Variants in KIAA1217 observed in about 807,000 individuals in gnomAD.
KIAA1217 encodes KIAA1217, also known as sickle tail protein homolog.
Under a neutral mutation model 163.9 loss-of-function variants are expected in KIAA1217, and 88 were observed. The observed-to-expected ratio is 0.54, with a 90% confidence interval of 0.45 to 0.64. The LOEUF is 0.64. Ranked by LOEUF, KIAA1217 falls within the 30% of genes least tolerant of loss-of-function variation. KIAA1217 has a pLI of 0.00. For missense variants in KIAA1217, 2,372 were observed against 2,475.0 expected, an observed-to-expected ratio of 0.96 and a Z score of 0.88; for synonymous variants, 903 against 923.1, an observed-to-expected ratio of 0.98 and a Z score of 0.39.
chr10:24,063,234 T>C (rs1342844108), intron 2 of KIAA1217, among the ~76,000 whole-genome samples: 1 of 152,210 alleles, frequency 6.6e-6, no homozygotes, highest in Non-Finnish European at 1.5e-5. Flanking sequence ...TCCTGAATGG[T>C]ATTGCCTAGG....
intron 1 of KIAA1217, among the ~76,000 whole-genome samples, chr10:24,217,809 T>C (rs2069035616): frequency 6.6e-6 from 1 of 152,246 alleles, no homozygotes; most frequent in Non-Finnish European, 1.5e-5. Context: ...GATAAATAAT[T>C]GGCAAATATG....
intron 2 of KIAA1217, among the ~76,000 whole-genome samples, chr10:24,232,935 CAAAAAAAAA>C (rs908492411): frequency 2.0e-4 from 11 of 56,306 alleles, no homozygotes; most frequent in African/African-American, 5.2e-4. Context: ...CTTATCTCTA[CAAAAAAAAA>C]AAAAAAAAAA....
chr10:24,240,918 G>A (rs988266377), intron 2 of KIAA1217, among the ~76,000 whole-genome samples: 4 of 151,380 alleles, frequency 2.6e-5, no homozygotes, highest in Admixed American at 6.6e-5. Context: ...GTGCAGTGGC[G>A]CGATCTTGGC....
chr10:23,817,422 A>G (rs1290604464), intron 1 of KIAA1217, among the ~76,000 whole-genome samples: 1 of 152,218 alleles, frequency 6.6e-6, no homozygotes, highest in Non-Finnish European at 1.5e-5. Context: ...CAATTCTATC[A>G]TAAAATCCTG....
At chr10:24,307,093 C>T (rs1476741521) in intron 2 of KIAA1217, among the ~76,000 whole-genome samples, 1 of 152,156 alleles carries the variant, frequency 6.6e-6, no homozygotes, top group Non-Finnish European at 1.5e-5. Context: ...TATTTTATTC[C>T]TCCATCACAG....
chr10:24,381,231 C>T (rs532590114), intron 3 of KIAA1217, among the ~76,000 whole-genome samples, 164 bp downstream of exon 3: 1 of 152,160 alleles, frequency 6.6e-6, no homozygotes, highest in Non-Finnish European at 1.5e-5. Flanking sequence ...TGAGGATTTG[C>T]CTGCTGGGTA....
intron 1 of KIAA1217, among the ~76,000 whole-genome samples, chr10:23,789,981 A>G (rs556745738): frequency 0.011 from 1,371 of 123,502 alleles, 170 homozygotes; most frequent in South Asian, 0.027. Flanking sequence ...ATACATATAT[A>G]CACATATACA....
chr10:24,204,508 T>C (rs1429051779), upstream of KIAA1217, among the ~76,000 whole-genome samples: 1 of 152,258 alleles, frequency 6.6e-6, no homozygotes, highest in East Asian at 1.9e-4. Context: ...GATTCTTTTA[T>C]AGGGTCTTTG....
At chr10:24,437,336 T>C (rs2060126820) in intron 4 of KIAA1217, among the ~76,000 whole-genome samples, 1 of 152,228 alleles carries the variant, frequency 6.6e-6, no homozygotes, top group Admixed American at 6.5e-5. Context: ...GGGCTAGTCA[T>C]TGCTTCAAAG....
intron 1 of KIAA1217, among the ~76,000 whole-genome samples, chr10:23,842,603 T>C (rs1838838858): frequency 6.6e-6 from 1 of 152,108 alleles, no homozygotes; most frequent in Non-Finnish European, 1.5e-5. Flanking sequence ...TGAACTGAAC[T>C]ACTTCAAAAC....
At chr10:24,155,676 G>A (rs577497676) in intron 2 of KIAA1217, among the ~76,000 whole-genome samples, 104 of 152,152 alleles carry the variant, frequency 6.8e-4, no homozygotes, top group Non-Finnish European at 2.6e-4. Flanking sequence ...ACAAAAATTA[G>A]CTGGGCTCAG....
chr10:24,416,506 A>G (rs1286354566), intron 3 of KIAA1217, among the ~76,000 whole-genome samples: 1 of 152,222 alleles, frequency 6.6e-6, no homozygotes, highest in Non-Finnish European at 1.5e-5. Flanking sequence ...TGGGGCAAGA[A>G]TCCAGAGGCT....
chr10:24,340,163 A>G (rs2046894018), intron 2 of KIAA1217, among the ~76,000 whole-genome samples: 1 of 152,112 alleles, frequency 6.6e-6, no homozygotes, highest in Non-Finnish European at 1.5e-5. Context: ...GAGGGGTGTG[A>G]ATCTGATGCT....
chr10:23,973,187 G>A (rs560215881), intron 1 of KIAA1217, among the ~76,000 whole-genome samples: 231 of 151,660 alleles, frequency 1.5e-3, no homozygotes, highest in African/African-American at 4.9e-3. Flanking sequence ...GTTTTTTTCC[G>A]CATCCTTGTT....
intron 1 of KIAA1217, among the ~76,000 whole-genome samples, chr10:23,946,693 A>C (rs558885339): frequency 1.2e-4 from 18 of 152,192 alleles, no homozygotes; most frequent in Non-Finnish European, 2.2e-4. Context: ...AACAGCCTAC[A>C]TAAAAACTCT....
chr10:23,986,636 C>A (rs976151587), intron 1 of KIAA1217, among the ~76,000 whole-genome samples: 1 of 151,996 alleles, frequency 6.6e-6, no homozygotes, highest in Non-Finnish European at 1.5e-5. Flanking sequence ...ATACGTGGAA[C>A]CTGTGAATAC....
intron 1 of KIAA1217, among the ~76,000 whole-genome samples, chr10:23,875,275 A>G (rs1435640743): frequency 6.6e-6 from 1 of 152,066 alleles, no homozygotes; most frequent in Non-Finnish European, 1.5e-5. Context: ...ATCCCTCTTT[A>G]TAGAAACAGG....
At chr10:24,430,566 C>T (rs1040566452) in intron 3 of KIAA1217, among the ~76,000 whole-genome samples, 8 of 151,954 alleles carry the variant, frequency 5.3e-5, no homozygotes, top group East Asian at 1.9e-4. Context: ...AATTATACAA[C>T]GCACCATAAT....
In KIAA1217 at chr10:24,133,219, G is replaced by T. The variant is rs79941984; in HGVS notation, c.-170-86407G>T. Among the ~76,000 whole-genome samples, 29 of 152,230 alleles carry T rather than the reference G, an allele frequency of 1.9e-4. No homozygotes were observed. The East Asian group carries it at 5.6e-3, about 29-fold the overall frequency. On this transcript the variant is annotated intron_variant, in intron 2 of 18. Coordinates refer to the KIAA1217 transcript ENST00000376462. ...AGAATCTCTGAGGAACCCGCACAAAGTAGTCTTAGAGAAAGGATCAGTGTT... is the reference window on the plus strand; with the variant it reads ...AGAATCTCTGAGGAACCCGCACAAATTAGTCTTAGAGAAAGGATCAGTGTT...
Sources: gnomAD v4.1 joint callset for allele counts (sites outside exome capture counted in the v4.1 genomes callset) on GRCh38, gnomAD v4.1.1 for gene constraint, MANE v1.5 for transcripts, NCBI Gene and HGNC (gene_info 2026-07-23, HGNC 2026-07-21) for gene names.